WWOX: variants seen among roughly 807,000 people sequenced by gnomAD.
The protein encoded by WWOX is WW domain containing oxidoreductase, also known as WW domain-containing oxidoreductase.
In WWOX, 69 loss-of-function variants were observed where a neutral mutation model predicts 46.2. The ratio of observed to expected loss-of-function variants is 1.49; its 90% CI spans 1.23 to 1.82. The LOEUF is 1.82. Ranked by LOEUF, WWOX falls within the 40% of genes most tolerant of loss-of-function variation. The probability of loss-of-function intolerance (pLI) is 0.00; values close to 1 mark genes in which losing one functional copy is unlikely to be tolerated. For synonymous variants in WWOX, 359 were observed against 202.6 expected (o/e 1.77, Z -6.56); for missense variants, 919 against 542.6 (o/e 1.69, Z -6.89).
intron 8 of WWOX, among the ~76,000 whole-genome samples, chr16:79,009,689 G>T (rs541558404): frequency 7.9e-5 from 12 of 152,284 alleles, no homozygotes; most frequent in African/African-American, 2.9e-4. Flanking sequence ...GACCTCAGGT[G>T]ATCCACCCAC....
intron 8 of WWOX, chr16:78,825,890 G>A: frequency 2.9e-6 from 2 of 688,742 alleles, no homozygotes; most frequent in South Asian, 3.5e-5. Flanking sequence ...GCCTCTGCCT[G>A]ACCACGTGAG....
chr16:78,936,243 C>G (rs1035155422), intron 8 of WWOX, among the ~76,000 whole-genome samples: 1 of 152,114 alleles, frequency 6.6e-6, no homozygotes, highest in Non-Finnish European at 1.5e-5. Flanking sequence ...GCTGTGTATG[C>G]CCTCTGTACC....
Position 78,718,037 on chromosome 16 carries a change from G to C in WWOX, c.1056+285285G>C, listed in dbSNP as rs574894818. On this transcript the variant is annotated intron_variant, in intron 8 of 8. Transcript: ENST00000566780. ...AAAGCACAATGGTATTAGCCTGCCAGACTGCAAACGTTATTTGCTTTATGG... is the reference window on the plus strand; with the variant it reads ...AAAGCACAATGGTATTAGCCTGCCACACTGCAAACGTTATTTGCTTTATGG... Among the ~76,000 whole-genome samples the C allele has an allele frequency of 8.9e-5, 12 of 135,312 alleles. No individual in the cohort carries two copies. The South Asian group carries it at 2.4e-3, about 27-fold the overall frequency. 88.8% of individuals were successfully genotyped at this position (135,312 alleles called of 152,430 possible).
chr16:78,601,837 C>A (rs2550629), intron 8 of WWOX, among the ~76,000 whole-genome samples: 17,096 of 143,688 alleles, frequency 0.12, 1,183 homozygotes, highest in East Asian at 0.22. Context: ...TGGGAATATT[C>A]GACTCTGCAG....
At chr16:79,097,057 G>C (rs554792332) in intron 8 of WWOX, among the ~76,000 whole-genome samples, 34 of 152,102 alleles carry the variant, frequency 2.2e-4, no homozygotes, top group African/African-American at 8.2e-4. Flanking sequence ...AAAAGGTCAG[G>C]TTGGATTTTT....
At chr16:78,787,854 G>T (rs1004196309) in intron 8 of WWOX, among the ~76,000 whole-genome samples, 1 of 152,164 alleles carries the variant, frequency 6.6e-6, no homozygotes, top group Non-Finnish European at 1.5e-5. Flanking sequence ...TTGAAGGTAT[G>T]AAATTGTATC....
chr16:79,179,192 G>A (rs535471381), intron 8 of WWOX, among the ~76,000 whole-genome samples: 1 of 152,208 alleles, frequency 6.6e-6, no homozygotes, highest in Non-Finnish European at 1.5e-5. Context: ...CAAAAGTGTA[G>A]CATTAAACTC....
intron 8 of WWOX, among the ~76,000 whole-genome samples, chr16:78,974,211 T>G (rs1347299625): frequency 6.6e-6 from 1 of 152,236 alleles, no homozygotes; most frequent in Non-Finnish European, 1.5e-5. Context: ...AAGCGTACTC[T>G]TCAGAGAACG....
chr16:78,907,600 AG>A (rs1213962151), intron 8 of WWOX, among the ~76,000 whole-genome samples: 2 of 152,196 alleles, frequency 1.3e-5, no homozygotes, highest in Non-Finnish European at 2.9e-5. Context: ...GTTAAAGGCA[AG>A]ATGGGGCTAG....
At position 79,014,909 on chromosome 16, in the gene WWOX, C is replaced by T. The variant is rs186974560; in HGVS notation, c.1057-196699C>T. 2.0e-5 allele frequency among the ~76,000 whole-genome samples: 3 copies of T among 152,244 alleles called. No homozygotes were observed. In the East Asian group the frequency reaches 5.8e-4, roughly 29 times the overall value. ...TCAATGAGCATTTATTTACTGATAC[C>T]TGTGGTGGCACCCAGGAAGGACTAG... On this transcript the variant is annotated intron_variant, in intron 8 of 8. Coordinates refer to ENST00000566780, the MANE Select transcript of WWOX (RefSeq NM_016373.4).
At chr16:78,116,905 G>A (rs996497875) in intron 4 of WWOX, among the ~76,000 whole-genome samples, 7 of 152,182 alleles carry the variant, frequency 4.6e-5, no homozygotes, top group African/African-American at 1.4e-4. Flanking sequence ...TGCTCCATGT[G>A]ACATTAGATA....
intron 5 of WWOX, among the ~76,000 whole-genome samples, chr16:78,238,391 C>T: frequency 6.6e-6 from 1 of 152,010 alleles, no homozygotes. Context: ...CCTCGACCTC[C>T]CGGGCTCAGG....
At chr16:78,842,142 C>T (rs1216543708) in intron 8 of WWOX, among the ~76,000 whole-genome samples, 1 of 151,872 alleles carries the variant, frequency 6.6e-6, no homozygotes, top group African/African-American at 2.4e-5. Context: ...TAAAGTAATC[C>T]AGGAGGAGTT....
chr16:79,135,261 G>T (rs2049961229), intron 8 of WWOX, among the ~76,000 whole-genome samples: 1 of 152,094 alleles, frequency 6.6e-6, no homozygotes, highest in Non-Finnish European at 1.5e-5. Flanking sequence ...CATATTTTGT[G>T]TATGAGTACA....
At chr16:78,796,161 C>A (rs560183577) in intron 8 of WWOX, among the ~76,000 whole-genome samples, 1 of 152,188 alleles carries the variant, frequency 6.6e-6, no homozygotes, top group African/African-American at 2.4e-5. Flanking sequence ...CTTCCTTAAT[C>A]AGGATTGACT....
chr16:78,504,657 C>A (rs745606139), intron 8 of WWOX, among the ~76,000 whole-genome samples: 1 of 152,140 alleles, frequency 6.6e-6, no homozygotes, highest in South Asian at 2.1e-4. Context: ...CTCGGTTTAT[C>A]CTGAACACAT....
intron 8 of WWOX, among the ~76,000 whole-genome samples, chr16:78,705,894 G>C (rs565114570): frequency 6.6e-6 from 1 of 152,252 alleles, no homozygotes; most frequent in Admixed American, 6.5e-5. Flanking sequence ...TAAGGAATAT[G>C]ACCTGCTAGA....
chr16:79,113,538 C>T (rs551509098), intron 8 of WWOX, among the ~76,000 whole-genome samples: 16 of 152,278 alleles, frequency 1.1e-4, no homozygotes, highest in Non-Finnish European at 1.5e-4. Flanking sequence ...ATGGAATGTC[C>T]TATATTTTAT....
chr16:78,959,670 T>C (rs1022792343), intron 8 of WWOX, among the ~76,000 whole-genome samples: 4 of 152,152 alleles, frequency 2.6e-5, no homozygotes, highest in Non-Finnish European at 5.9e-5. Context: ...ATTTGTCGGA[T>C]AGACTGCAGG....
Sources: allele counts gnomAD v4.1 joint callset (sites outside exome capture counted in the v4.1 genomes callset), GRCh38; gene constraint gnomAD v4.1.1; transcripts MANE v1.5; gene names NCBI Gene and HGNC (gene_info 2026-07-23, HGNC 2026-07-21).